The following FHIT variants were observed in gnomAD, a reference collection of about 807,000 sequenced individuals.
FHIT encodes the protein fragile histidine triad diadenosine triphosphatase.
In FHIT, 19 loss-of-function variants were observed where a neutral mutation model predicts 17.9. The observed-to-expected ratio is 1.06, with a 90% confidence interval of 0.74 to 1.56. The LOEUF (loss-of-function observed/expected upper bound fraction) is 1.56, where lower values mean the gene tolerates loss of function less well. Ranked by LOEUF, FHIT falls within the 40% of genes most tolerant of loss-of-function variation. The pLI, the probability that FHIT is intolerant of heterozygous loss-of-function variation, is 0.00. For synonymous variants in FHIT, 81 were observed against 69.7 expected (o/e 1.16, Z -0.81); for missense variants, 248 against 189.2 (o/e 1.31, Z -1.82).
chr3:61,215,534 A>G (rs1288040511), intron 1 of FHIT, among the ~76,000 whole-genome samples: 2 of 152,222 alleles, frequency 1.3e-5, no homozygotes, highest in African/African-American at 4.8e-5. Flanking sequence ...GCTCATGGGT[A>G]GGAAGAATCA....
At chr3:60,993,322 C>T (rs1393695370) in intron 3 of FHIT, among the ~76,000 whole-genome samples, 3 of 152,214 alleles carry the variant, frequency 2.0e-5, no homozygotes, top group South Asian at 2.1e-4. Context: ...GCGCATCGAA[C>T]AAGCTTTCAT....
chr3:60,277,703 C>G (rs1576409831), intron 5 of FHIT, among the ~76,000 whole-genome samples: 1 of 152,138 alleles, frequency 6.6e-6, no homozygotes, highest in African/African-American at 2.4e-5. Context: ...CTGCCACAGG[C>G]TGGAAGTCTC....
At chr3:60,470,916 G>A (rs1404544732) in intron 5 of FHIT, among the ~76,000 whole-genome samples, 2 of 152,184 alleles carry the variant, frequency 1.3e-5, no homozygotes, top group Admixed American at 6.5e-5. Context: ...AGTGCTCTTC[G>A]GTTAGCAGGT....
At chr3:60,292,732 A>G (rs1350227679) in intron 5 of FHIT, among the ~76,000 whole-genome samples, 1 of 152,174 alleles carries the variant, frequency 6.6e-6, no homozygotes, top group Non-Finnish European at 1.5e-5. Context: ...CCATCAGTGG[A>G]CATATCAGAA....
intron 4 of FHIT, among the ~76,000 whole-genome samples, chr3:60,744,263 C>CAAAAAAAAAAAAAAAAAA (rs1201886354): frequency 1.9e-4 from 16 of 85,960 alleles, no homozygotes; most frequent in African/African-American, 3.3e-4. Flanking sequence ...AAAAACAAAA[C>CAAAAAAAAAAAAAAAAAA]AAAACAAAAA....
chr3:60,871,961 C>T (rs1041588719), intron 3 of FHIT, among the ~76,000 whole-genome samples: 12 of 152,154 alleles, frequency 7.9e-5, no homozygotes, highest in East Asian at 3.9e-4. Context: ...CTGTGCCCAG[C>T]TCCTATTATA....
intron 3 of FHIT, among the ~76,000 whole-genome samples, chr3:60,839,180 T>A (rs1553744433): frequency 6.6e-6 from 1 of 152,110 alleles, no homozygotes; most frequent in African/African-American, 2.4e-5. Flanking sequence ...AAATGGTGAG[T>A]GTAATATTTA....
intron 2 of FHIT, among the ~76,000 whole-genome samples, chr3:61,065,802 C>A (rs1480082494): frequency 6.6e-6 from 1 of 151,928 alleles, no homozygotes; most frequent in East Asian, 1.9e-4. Flanking sequence ...CTTTTATTCT[C>A]TCATTTAACA....
chr3:60,325,989 C>T (rs961696123), intron 5 of FHIT, among the ~76,000 whole-genome samples: 2 of 152,058 alleles, frequency 1.3e-5, no homozygotes, highest in African/African-American at 2.4e-5. Flanking sequence ...TACTATCAAG[C>T]GAGGGCACTT....
chr3:61,061,060 C>A (rs748466778), intron 2 of FHIT, among the ~76,000 whole-genome samples: 1 of 152,180 alleles, frequency 6.6e-6, no homozygotes, highest in Admixed American at 6.5e-5. Flanking sequence ...AATGTTCCAG[C>A]CCTTTGATGA....
chr3:60,916,969 G>A (rs983198434), intron 3 of FHIT, among the ~76,000 whole-genome samples: 7 of 152,100 alleles, frequency 4.6e-5, no homozygotes, highest in African/African-American at 1.4e-4. Flanking sequence ...CAGTGTTCAA[G>A]AATGAATACA....
chr3:60,253,924 A>C (rs930468031), intron 5 of FHIT, among the ~76,000 whole-genome samples: 1 of 152,208 alleles, frequency 6.6e-6, no homozygotes, highest in Non-Finnish European at 1.5e-5. Context: ...GTGAGTTACT[A>C]ATCTAATCTC....
intron 5 of FHIT, among the ~76,000 whole-genome samples, chr3:60,037,394 T>C (rs1365012588): frequency 2.0e-5 from 3 of 150,890 alleles, no homozygotes; most frequent in African/African-American, 7.3e-5. Context: ...GTCTTTCTTT[T>C]TTTTTTTTTT....
intron 5 of FHIT, among the ~76,000 whole-genome samples, chr3:60,388,014 T>C (rs1701078676): frequency 6.6e-6 from 1 of 152,124 alleles, no homozygotes; most frequent in Non-Finnish European, 1.5e-5. Flanking sequence ...CACATACCAG[T>C]TCTCCTTCCC....
chr3:60,353,801 C>G (rs557997976), intron 5 of FHIT, among the ~76,000 whole-genome samples: 12 of 152,002 alleles, frequency 7.9e-5, no homozygotes, highest in Non-Finnish European at 1.3e-4. Flanking sequence ...TAAAATGAGA[C>G]AGACACACTT....
intron 6 of FHIT, among the ~76,000 whole-genome samples, chr3:60,012,639 C>G (rs994361891): frequency 6.6e-6 from 1 of 152,024 alleles, no homozygotes; most frequent in Non-Finnish European, 1.5e-5. Context: ...TTGTGAAACT[C>G]TGGTTTCCTT....
chr3:60,769,033 A>C (rs545152282), intron 4 of FHIT, among the ~76,000 whole-genome samples: 117 of 152,222 alleles, frequency 7.7e-4, no homozygotes, highest in African/African-American at 2.6e-3. Flanking sequence ...TGTTTTATTC[A>C]CCTTGATGGT....
chr3:61,190,809 T>C (rs948040681), intron 2 of FHIT, among the ~76,000 whole-genome samples: 22 of 151,844 alleles, frequency 1.4e-4, no homozygotes, highest in African/African-American at 5.1e-4. Context: ...GAAACCATCA[T>C]TCTCAGCAAA....
At chr3:59,863,521 T>C (rs1381665233) in intron 8 of FHIT, among the ~76,000 whole-genome samples, 1 of 152,210 alleles carries the variant, frequency 6.6e-6, no homozygotes, top group East Asian at 1.9e-4. Context: ...TTCCTTTTCA[T>C]TATCTGTCTT....
Sources: allele counts gnomAD v4.1 joint callset (sites outside exome capture counted in the v4.1 genomes callset), GRCh38; gene constraint gnomAD v4.1.1; transcripts MANE v1.5; gene names NCBI Gene and HGNC (gene_info 2026-07-23, HGNC 2026-07-21).